Variants in PFKFB2 observed in about 807,000 individuals in gnomAD.
PFKFB2 encodes 6-phosphofructo-2-kinase/fructose-2,6-biphosphatase 2, also known as 6-phosphofructo-2-kinase/fructose-2,6-bisphosphatase 2.
Under a neutral mutation model 68.0 loss-of-function variants are expected in PFKFB2, and 53 were observed. The ratio of observed to expected loss-of-function variants is 0.78; its 90% CI spans 0.63 to 0.98. The LOEUF (loss-of-function observed/expected upper bound fraction) is 0.98. PFKFB2 is among the 50% of genes least tolerant of loss of function. PFKFB2 has a pLI of 0.00. For missense variants in PFKFB2, 451 were observed against 642.0 expected (o/e 0.70, Z 3.22); for synonymous variants, 222 against 227.6 (o/e 0.98, Z 0.22).
chr1:207,069,553 TGACTGCCTA>T, intron 11 of PFKFB2, 25 bp downstream of exon 11: 1 of 1,424,874 alleles, frequency 7.0e-7, no homozygotes, highest in Non-Finnish European at 9.9e-7. Context: ...TCATGTAAAG[TGACTGCCTA>T]GACCCTTGCT....
chr1:207,079,649 T>C (rs981659802), downstream of PFKFB2: 1 of 152,424 alleles, frequency 6.6e-6, no homozygotes, highest in African/African-American at 2.4e-5. Context: ...CAGGACAGGA[T>C]CTGACTGCAA....
At chr1:207,041,999 CTT>C (rs1682486405) in intron 1 of PFKFB2, among the ~76,000 whole-genome samples, 1 of 152,164 alleles carries the variant, frequency 6.6e-6, no homozygotes, top group Non-Finnish European at 1.5e-5. Flanking sequence ...CATTTTCATT[CTT>C]GTTAGGTTTT....
At position 207,062,513 on chromosome 1, in the gene PFKFB2, G is replaced by A. The variant is rs1471101231; in HGVS notation, c.212-107G>A. On this transcript the variant is annotated intron_variant, in intron 3 of 14. Transcript: ENST00000367080. ...ATTGTTCCCAACCTACCATGCTGCC[G>A]CTTTTTTCATCCCCTTGGTCACTCC... is the stretch of plus-strand genomic sequence containing the variant. The A allele has an allele frequency of 3.9e-6, 6 of 1,519,022 alleles. No homozygotes were observed. In the African/African-American group the frequency reaches 4.2e-5, roughly 11 times the overall value. The allele number at this position is 1,519,022 out of a possible 1,614,324, so 94.1% of individuals were successfully genotyped here. A position where few individuals can be genotyped will look rare whatever the true frequency, so the allele number is the denominator to read the frequency against.
At chr1:207,065,823 C>A (rs761151777) in intron 8 of PFKFB2, among the ~76,000 whole-genome samples, 5 of 152,140 alleles carry the variant, frequency 3.3e-5, no homozygotes, top group Non-Finnish European at 7.3e-5. Flanking sequence ...GCCAGTAACA[C>A]CTCCAACCTG....
chr1:207,051,845 C>G (rs1451695743), upstream of PFKFB2, among the ~76,000 whole-genome samples: 1 of 152,146 alleles, frequency 6.6e-6, no homozygotes, highest in African/African-American at 2.4e-5. Context: ...AGGACTGTGC[C>G]TCGCAAATAA....
At position 207,076,288 on chromosome 1, in the gene PFKFB2, T is replaced by C; in HGVS notation, c.*3917T>C. ...TTTTTTATGAGCAGGAGATCTTAAT[T>C]GACAGAAACTCATTGGTGGTTGGAG... On this transcript the variant is annotated 3_prime_UTR_variant, in exon 15 of 15. Coordinates refer to ENST00000367080, the MANE Select transcript of PFKFB2 (RefSeq NM_006212.2). 1 of 980,924 alleles carries C rather than the reference T, an allele frequency of 1.0e-6. No individual in the cohort carries two copies. Among genetic ancestry groups the C allele is most frequent in the Non-Finnish European group, 1.2e-6 (1 of 826,240 alleles). The allele number at this position is 980,924 out of a possible 1,614,324, so 60.8% of individuals were successfully genotyped here. A position where few individuals can be genotyped will look rare whatever the true frequency, so the allele number is the denominator to read the frequency against.
At chr1:207,051,054 A>C (rs1179962700), upstream of PFKFB2, 1 of 1,479,166 alleles carries the variant, frequency 6.8e-7, no homozygotes, top group Non-Finnish European at 8.9e-7. Flanking sequence ...GGGTGGTTGC[A>C]GTTATCGCGA....
chr1:207,071,212 C>G lies in PFKFB2; in HGVS notation c.1247C>G (p.Pro416Arg). ...GATGAGCTACCATACTTGAGATGCC[C>G]TCTCCATACCATCTTCAAACTTACT... ...GADELPYLRC[P>R]LHTIFKLTPV... Residue 416 changes from proline to arginine, a missense_variant, in exon 13 of 15, where the codon CCT (proline) becomes CGT (arginine). Coordinates refer to ENST00000367080, the MANE Select transcript of PFKFB2 (RefSeq NM_006212.2). The G allele has an allele frequency of 6.2e-7, 1 of 1,613,848 alleles. No homozygotes were observed. Among genetic ancestry groups the G allele is most frequent in the Non-Finnish European group, 8.5e-7 (1 of 1,179,714 alleles).
chr1:207,051,362 C>T (rs1051519332), upstream of PFKFB2, among the ~76,000 whole-genome samples: 4 of 152,106 alleles, frequency 2.6e-5, no homozygotes, highest in African/African-American at 9.7e-5. Context: ...CAGACTACAC[C>T]AGGAGAAACA....
Position 207,077,480 on chromosome 1 carries a change from C to G in PFKFB2, c.*5109C>G. 3.0e-6 allele frequency: 3 copies of G among 985,142 alleles called. No homozygotes were observed. The highest frequency in any genetic ancestry group is 3.6e-6 in the Non-Finnish European group (3 of 829,660). 61.0% of individuals were successfully genotyped at this position (985,142 alleles called of 1,614,324 possible). A position where few individuals can be genotyped will look rare whatever the true frequency, so the allele number is the denominator to read the frequency against. Reference sequence around the variant, plus strand: ...GACCTAACAAGAAGATCAACTTATGCTGGTATGGTGATGGTTTTGCTATGG... The same window carrying G: ...GACCTAACAAGAAGATCAACTTATGGTGGTATGGTGATGGTTTTGCTATGG... On this transcript the variant is annotated 3_prime_UTR_variant, in exon 15 of 15. Transcript: ENST00000367080.
At chr1:207,055,107 C>CACACAAA (rs1682881190) in intron 2 of PFKFB2, among the ~76,000 whole-genome samples, 1 of 152,164 alleles carries the variant, frequency 6.6e-6, no homozygotes, top group Non-Finnish European at 1.5e-5. Flanking sequence ...CATTATTGTA[C>CACACAAA]ACACAATGAG....
chr1:207,076,316 G>A lies in PFKFB2; in HGVS notation c.*3945G>A. The A allele has an allele frequency of 1.0e-6, 1 of 983,588 alleles. No individual in the cohort carries two copies. Among genetic ancestry groups the A allele is most frequent in the Non-Finnish European group, 1.2e-6 (1 of 829,170 alleles). The allele number at this position is 983,588 out of a possible 1,614,324, so 60.9% of individuals were successfully genotyped here. ...CAGAAACTCATTGGTGGTTGGAGTG[G>A]CCAATGGGCACGGGAAAAAGTATCC... is the stretch of plus-strand genomic sequence containing the variant. On this transcript the variant is annotated 3_prime_UTR_variant, in exon 15 of 15. Transcript: ENST00000367080.
At chr1:207,039,638 GT>G (rs1009123259) in intron 1 of PFKFB2, among the ~76,000 whole-genome samples, 1 of 152,004 alleles carries the variant, frequency 6.6e-6, no homozygotes, top group Non-Finnish European at 1.5e-5. Context: ...AAGATTACAT[GT>G]TTTAAAAAAA....
At chr1:207,039,927 G>A (rs1435281416) in intron 1 of PFKFB2, among the ~76,000 whole-genome samples, 2 of 152,192 alleles carry the variant, frequency 1.3e-5, no homozygotes, top group East Asian at 1.9e-4. Context: ...GAGATGCTGA[G>A]AGGCTGAGTG....
rs1683540146 is a variant in PFKFB2 at position 207,073,818 on chromosome 1, G to A, written c.*1447G>A. On this transcript the variant is annotated 3_prime_UTR_variant, in exon 15 of 15. Coordinates refer to ENST00000367080, the MANE Select transcript of PFKFB2 (RefSeq NM_006212.2). ...TCTTTCCCAATTTTGCATGCAAAAT[G>A]TACGAATATATGTATGTTTTTCTGA... 1 of 985,364 alleles carries A rather than the reference G, an allele frequency of 1.0e-6. No homozygotes were observed. Among genetic ancestry groups the A allele is most frequent in the Non-Finnish European group, 1.2e-6 (1 of 829,864 alleles). The allele number at this position is 985,364 out of a possible 1,614,324, so 61.0% of individuals were successfully genotyped here.
In PFKFB2 at chr1:207,064,437, C is replaced by T. The variant is rs535936019; in HGVS notation, c.508-599C>T. ...GAAAAAAAAAAAAGAATAGATCAGACTCTTCGTTTCAGGACTTACCTACAG... is the reference window on the plus strand; with the variant it reads ...GAAAAAAAAAAAAGAATAGATCAGATTCTTCGTTTCAGGACTTACCTACAG... On this transcript the variant is annotated intron_variant, in intron 7 of 14. Transcript: ENST00000367080. 1.4e-4 allele frequency among the ~76,000 whole-genome samples: 22 copies of T among 152,126 alleles called. 1 individual carries two copies. In the South Asian group the frequency reaches 4.6e-3, roughly 32 times the overall value.
Position 207,063,813 on chromosome 1 carries a change from T to C in PFKFB2, c.491T>C (p.Ile164Thr), listed in dbSNP as rs1181992971. The C allele has an allele frequency of 1.2e-6, 2 of 1,613,692 alleles. No individual in the cohort carries two copies. Among genetic ancestry groups the C allele is most frequent in the East Asian group, 2.2e-5 (1 of 44,892 alleles). ...VESVCDDPDV[I>T]AANILEVKVS... is the part of the protein sequence containing the mutation. ...TCCGTCTGTGATGATCCTGATGTCATTGCTGCCAATATTCTGGTTGGTGAC... is the reference window on the plus strand; with the variant it reads ...TCCGTCTGTGATGATCCTGATGTCACTGCTGCCAATATTCTGGTTGGTGAC... Residue 164 changes from isoleucine (I) to threonine (T), a missense_variant, in exon 7 of 15, where the codon ATT becomes ACT. Transcript: ENST00000367080. The surrounding 1 kb of genome is among the most constrained non-coding windows in gnomAD (Gnocchi z 4.1).
At chr1:207,041,856 A>C (rs1275388458) in intron 1 of PFKFB2, among the ~76,000 whole-genome samples, 1 of 152,238 alleles carries the variant, frequency 6.6e-6, no homozygotes, top group Non-Finnish European at 1.5e-5. Flanking sequence ...CCAACAGTGT[A>C]ACACGTGCCT....
chr1:207,068,095 A>AGTGTGTGTGT (rs4030464), intron 9 of PFKFB2, 68 bp from the exon 10 acceptor site: 304,854 of 1,085,868 alleles, frequency 0.28, 26,027 homozygotes, highest in Middle Eastern at 0.34. Context: ...GTGTGTGTTG[A>AGTGTGTGTGT]GTGTGTGTGT....
Sources: allele counts gnomAD v4.1 joint callset (sites outside exome capture counted in the v4.1 genomes callset), GRCh38; gene constraint gnomAD v4.1.1; non-coding constraint Gnocchi (gnomAD v3.1); transcripts MANE v1.5; gene names NCBI Gene and HGNC (gene_info 2026-07-23, HGNC 2026-07-21).